Variants in SYN3 observed in about 807,000 individuals in gnomAD.
SYN3 encodes the protein synapsin III, also known as synapsin-3.
A neutral mutation model predicts 65.8 loss-of-function variants in SYN3; 35 were observed. That is an observed-to-expected ratio of 0.53 (90% confidence interval 0.41 to 0.70). SYN3 has a LOEUF of 0.70. Ranked by LOEUF, SYN3 falls within the 30% of genes least tolerant of loss-of-function variation. The pLI is 0.00. For missense variants in SYN3, 680 were observed against 749.0 expected, an observed-to-expected ratio of 0.91 and a Z score of 1.08; for synonymous variants, 270 against 292.9, an observed-to-expected ratio of 0.92 and a Z score of 0.80.
intron 3 of SYN3, among the ~76,000 whole-genome samples, chr22:32,973,373 G>A (rs1483834404): frequency 2.0e-5 from 3 of 152,314 alleles, no homozygotes; most frequent in East Asian, 3.9e-4. Flanking sequence ...ACATACCACT[G>A]TGTAGCTTTT....
intron 6 of SYN3, among the ~76,000 whole-genome samples, chr22:32,688,877 G>A (rs949717723): frequency 4.3e-4 from 66 of 152,278 alleles, no homozygotes; most frequent in African/African-American, 1.5e-3. Context: ...GGGAGAGGCA[G>A]CCGTAGGCAG....
intron 6 of SYN3, among the ~76,000 whole-genome samples, chr22:32,657,722 G>A (rs2146984453): frequency 6.6e-6 from 1 of 152,294 alleles, no homozygotes; most frequent in Admixed American, 6.5e-5. Flanking sequence ...GGGCTCCAGT[G>A]TCACTCATCA....
chr22:32,838,645 G>C (rs556479507), intron 6 of SYN3, among the ~76,000 whole-genome samples: 2 of 151,984 alleles, frequency 1.3e-5, no homozygotes, highest in East Asian at 3.9e-4. Context: ...GAACAATGTC[G>C]GTATTCGGCC....
chr22:32,757,626 CT>C (rs2045335462), intron 6 of SYN3, among the ~76,000 whole-genome samples: 3 of 152,112 alleles, frequency 2.0e-5, no homozygotes, highest in Admixed American at 2.0e-4. Context: ...AGTCCACAAG[CT>C]AAGAAGGGAG....
At chr22:32,948,521 G>A (rs2051183490) in intron 3 of SYN3, among the ~76,000 whole-genome samples, 1 of 152,122 alleles carries the variant, frequency 6.6e-6, no homozygotes, top group Admixed American at 6.5e-5. Context: ...CAGATCACAA[G>A]GTCAGGAGAT....
rs529729891 is a variant in SYN3, at chr22:33,017,942, G to A, written c.-162-11118C>T. 5.3e-5 allele frequency among the ~76,000 whole-genome samples: 8 copies of A among 152,266 alleles called. 1 individual carries two copies. The highest frequency in any genetic ancestry group is 3.9e-4 in the East Asian group (2 of 5,184). ...AAGCAAGGCACATTTGAAGAACAGA[G>A]GGATGGCCAGCTCCATCAGGAAGTT... On this transcript the variant is annotated intron_variant, in intron 1 of 13. Transcript: ENST00000358763.
intron 2 of SYN3, among the ~76,000 whole-genome samples, chr22:32,982,867 G>A (rs527835476): frequency 6.2e-4 from 94 of 152,194 alleles, no homozygotes; most frequent in Middle Eastern, 3.4e-3. Context: ...CCACCACCAC[G>A]AAGTAGATAT....
chr22:32,660,414 G>A (rs1368991888), intron 6 of SYN3, among the ~76,000 whole-genome samples: 3 of 152,166 alleles, frequency 2.0e-5, no homozygotes, highest in African/African-American at 7.2e-5. Flanking sequence ...GGCTCCGTGT[G>A]CCCACCAGAT....
Position 32,801,483 on chromosome 22 carries a change from C to A in SYN3, c.711+63432G>T, listed in dbSNP as rs1465317747. ...CACCGGTCCCGGGCGCGCCCCAGCC[C>A]ACCCACTCGCGTGCCCACGGCGGCA... On this transcript the variant is annotated intron_variant, in intron 6 of 13. Coordinates refer to ENST00000358763, the MANE Select transcript of SYN3 (RefSeq NM_003490.4). The surrounding 1 kb of genome is among the most constrained non-coding windows in gnomAD (Gnocchi z 4.7). Among the ~76,000 whole-genome samples the A allele has an allele frequency of 6.6e-6, 1 of 152,200 alleles. No homozygotes were observed. Among genetic ancestry groups the A allele is most frequent in the Non-Finnish European group, 1.5e-5 (1 of 68,030 alleles).
chr22:32,569,098 A>G (rs1200628133), intron 7 of SYN3, among the ~76,000 whole-genome samples: 2 of 152,328 alleles, frequency 1.3e-5, no homozygotes, highest in African/African-American at 4.8e-5. Flanking sequence ...GGACTTACAA[A>G]TGCCATGATT....
chr22:32,679,302 C>G (rs375691965), intron 6 of SYN3, among the ~76,000 whole-genome samples: 2 of 144,976 alleles, frequency 1.4e-5, no homozygotes, highest in African/African-American at 2.6e-5. Context: ...CCACCCATCT[C>G]GGTCTCCCAA....
At chr22:32,729,782 G>A (rs2061245741) in intron 6 of SYN3, among the ~76,000 whole-genome samples, 1 of 152,150 alleles carries the variant, frequency 6.6e-6, no homozygotes, top group African/African-American at 2.4e-5. Context: ...TGTGTTGAAG[G>A]TCATTGGAAT....
intron 6 of SYN3, among the ~76,000 whole-genome samples, chr22:32,678,265 G>A (rs909870641): frequency 2.6e-5 from 4 of 152,180 alleles, no homozygotes; most frequent in African/African-American, 7.2e-5. Flanking sequence ...ACATTGGACA[G>A]GAGAATCCAG....
At chr22:32,936,514 C>CAAAG (rs1323584372) in intron 3 of SYN3, among the ~76,000 whole-genome samples, 1 of 151,990 alleles carries the variant, frequency 6.6e-6, no homozygotes, top group Non-Finnish European at 1.5e-5. Flanking sequence ...AACAAACAAA[C>CAAAG]AAAAAACCTC....
At chr22:32,707,089 C>T (rs2060890669) in intron 6 of SYN3, among the ~76,000 whole-genome samples, 1 of 152,140 alleles carries the variant, frequency 6.6e-6, no homozygotes, top group Non-Finnish European at 1.5e-5. Context: ...TTGAATTTTT[C>T]TCATGTGCAT....
At chr22:32,587,883 G>A (rs748365446) in intron 7 of SYN3, among the ~76,000 whole-genome samples, 3 of 152,108 alleles carry the variant, frequency 2.0e-5, no homozygotes, top group Non-Finnish European at 4.4e-5. Flanking sequence ...CCTGCATGGC[G>A]GAGTGTTAGG....
At chr22:32,720,973 C>T (rs731932) in intron 6 of SYN3, among the ~76,000 whole-genome samples, 145 of 152,290 alleles carry the variant, frequency 9.5e-4, no homozygotes, top group African/African-American at 3.3e-3. Context: ...GGAAACAGTC[C>T]CTTAGTACAC....
intron 6 of SYN3, among the ~76,000 whole-genome samples, chr22:32,636,127 C>A (rs890826029): frequency 6.6e-6 from 1 of 152,146 alleles, no homozygotes; most frequent in East Asian, 1.9e-4. Flanking sequence ...CACGGCCGGG[C>A]GTGGTGGCTC....
chr22:32,967,584 T>C (rs1199285355), intron 3 of SYN3, among the ~76,000 whole-genome samples: 1 of 152,236 alleles, frequency 6.6e-6, no homozygotes, highest in Admixed American at 6.5e-5. Context: ...CAGTTTAGCA[T>C]AACAGCCAGA....
Sources: allele counts gnomAD v4.1 joint callset (sites outside exome capture counted in the v4.1 genomes callset), GRCh38; gene constraint gnomAD v4.1.1; non-coding constraint Gnocchi (gnomAD v3.1); transcripts MANE v1.5; gene names NCBI Gene and HGNC (gene_info 2026-07-23, HGNC 2026-07-21).